Variants in RIMS1 observed in about 807,000 individuals in gnomAD.
RIMS1 encodes regulating synaptic membrane exocytosis protein 1.
A neutral mutation model predicts 214.1 loss-of-function variants in RIMS1; 83 were observed. The observed-to-expected ratio is 0.39, with a 90% CI of 0.32 to 0.47. RIMS1 has a LOEUF of 0.47. RIMS1 is among the 20% of genes least tolerant of loss of function. The pLI is 0.99. For synonymous variants in RIMS1, 793 were observed against 786.8 expected, an observed-to-expected ratio of 1.01 and a Z score of -0.13; for missense variants, 2,050 against 2,161.8, an observed-to-expected ratio of 0.95 and a Z score of 1.03.
chr6:72,284,087 A>G lies in RIMS1; in HGVS notation c.3523A>G (p.Thr1175Ala). ...KSERSSIQKQ[T>A]RKGTASDAER... ...TGAAAGATCTAGCATCCAAAAACAG[A>G]CTAGGAAAGGCACTGCCTCTGATGC... is the stretch of plus-strand genomic sequence containing the variant. The change falls in exon 24 of 34, where the codon ACT (threonine) becomes GCT (alanine). Residue 1175 changes from threonine to alanine, a missense_variant. Physicochemically the swap from Thr to Ala is moderately conservative, Grantham distance 58 (BLOSUM62 0). Around this residue, in one of 6 missense-constraint regions of RIMS1, gnomAD observed 889 missense variants for 885.5 expected, o/e 1.00. Transcript: ENST00000521978. 6.2e-7 allele frequency: 1 copy of G among 1,613,256 alleles called. No individual in the cohort carries two copies. The highest frequency in any genetic ancestry group is 2.2e-5 in the East Asian group (1 of 44,856).
chr6:72,282,017 A>C (rs182265183), intron 23 of RIMS1, among the ~76,000 whole-genome samples: 1 of 152,084 alleles, frequency 6.6e-6, no homozygotes, highest in African/African-American at 2.4e-5. Context: ...GTATATATAC[A>C]TGCACAAGTG....
intron 29 of RIMS1, among the ~76,000 whole-genome samples, chr6:72,350,210 G>T (rs2097399971): frequency 6.6e-6 from 1 of 152,040 alleles, no homozygotes; most frequent in Non-Finnish European, 1.5e-5. Context: ...AAGGAAAAAA[G>T]ACTAAATTCA....
At chr6:72,274,784 A>C (rs2085309222) in intron 23 of RIMS1, among the ~76,000 whole-genome samples, 1 of 152,136 alleles carries the variant, frequency 6.6e-6, no homozygotes, top group African/African-American at 2.4e-5. Context: ...AATCTGTCAC[A>C]GAGCCTATTT....
In RIMS1 at chr6:72,097,045, G is replaced by A. The variant is rs1401273569; in HGVS notation, c.342G>A (p.Pro114=). The change falls in exon 3 of 34, where the codon CCG becomes CCA. Residue 114 remains proline, a synonymous_variant. Coordinates refer to ENST00000521978, the MANE Select transcript of RIMS1 (RefSeq NM_014989.7). The part of the protein sequence containing the change: ...RYQGEHKDDA[P]TCGICHKTKF... ...AGGGCGAGCACAAAGACGATGCTCC[G>A]ACTTGTGGAATCTGTCATAAAACAA... 1.9e-6 allele frequency: 3 copies of A among 1,613,944 alleles called. No homozygotes were observed.
At chr6:71,983,710 G>A (rs1799101173) in intron 2 of RIMS1, among the ~76,000 whole-genome samples, 1 of 152,166 alleles carries the variant, frequency 6.6e-6, no homozygotes, top group African/African-American at 2.4e-5. Context: ...CACAGGGACT[G>A]ATTTATGTTT....
intron 6 of RIMS1, among the ~76,000 whole-genome samples, chr6:72,209,441 G>T (rs2053456664): frequency 1.3e-5 from 2 of 152,156 alleles, no homozygotes; most frequent in African/African-American, 2.4e-5. Context: ...CTAACATTTT[G>T]AGAATTCTTA....
At position 72,182,869 on chromosome 6, in the gene RIMS1, C is replaced by A; in HGVS notation, c.1398C>A (p.Ala466=). 1 of 1,561,330 alleles carries A rather than the reference C, an allele frequency of 6.4e-7. No homozygotes were observed. The highest frequency in any genetic ancestry group is 1.2e-5 in the South Asian group (1 of 84,752). Residue 466 remains alanine (A), a synonymous_variant, in exon 6 of 34, where the codon GCC becomes GCA. Transcript: ENST00000521978. ...CCGCAGAAGCCCCGGAGCTCAAAGC[C>A]CAGGAGCCCCTCAGGAAGCAGAGCC... is the stretch of plus-strand genomic sequence containing the variant. ...PVPAEAPELK[A]QEPLRKQSRL... is the part of the protein sequence containing the mutation.
chr6:72,353,465 CT>C (rs917061435), intron 29 of RIMS1, among the ~76,000 whole-genome samples: 2 of 152,194 alleles, frequency 1.3e-5, no homozygotes, highest in African/African-American at 4.8e-5. Flanking sequence ...TTCCTGGCCT[CT>C]TTTGACTCTT....
rs528463598 is a variant in RIMS1, at chr6:72,392,591, G to A, written c.4506-107G>A. The A allele has an allele frequency of 3.7e-5, 30 of 808,168 alleles. No individual in the cohort carries two copies. In the African/African-American group the frequency reaches 3.7e-4, roughly 10 times the overall value. 50.1% of individuals were successfully genotyped at this position (808,168 alleles called of 1,614,324 possible). ...TCAATTAAAAAAACAGATTGTCTAA[G>A]TAATATTTATGTTTCATGATCATAA... is the stretch of plus-strand genomic sequence containing the variant. On this transcript the variant is annotated intron_variant, in intron 30 of 33. Coordinates refer to ENST00000521978, the MANE Select transcript of RIMS1 (RefSeq NM_014989.7).
At chr6:71,998,305 T>C (rs750833729) in intron 2 of RIMS1, among the ~76,000 whole-genome samples, 3 of 152,184 alleles carry the variant, frequency 2.0e-5, no homozygotes, top group Non-Finnish European at 4.4e-5. Flanking sequence ...TCCCCTCCAC[T>C]CTTCAGTTTC....
chr6:72,181,466 T>G (rs1016486325), intron 5 of RIMS1, among the ~76,000 whole-genome samples: 1 of 152,218 alleles, frequency 6.6e-6, no homozygotes, highest in African/African-American at 2.4e-5. Flanking sequence ...TTAAATAAGA[T>G]AGAGAATTTG....
intron 6 of RIMS1, among the ~76,000 whole-genome samples, chr6:72,205,616 A>G (rs2052766966): frequency 6.6e-6 from 1 of 152,218 alleles, no homozygotes; most frequent in Non-Finnish European, 1.5e-5. Flanking sequence ...TCTGTAACCC[A>G]AATAATGAGT....
intron 28 of RIMS1, among the ~76,000 whole-genome samples, chr6:72,320,106 A>G (rs1340239579): frequency 6.6e-6 from 1 of 152,156 alleles, no homozygotes; most frequent in Non-Finnish European, 1.5e-5. Context: ...TCCACTTCAC[A>G]GTGCTTCATG....
intron 2 of RIMS1, among the ~76,000 whole-genome samples, chr6:72,092,291 C>CCCTCCCTTCCTTCCTT (rs745668426): frequency 1.0e-4 from 11 of 108,012 alleles, no homozygotes; most frequent in South Asian, 3.6e-4. Context: ...CTCCCTCCCT[C>CCCTCCCTTCCTTCCTT]CCTTCCTTCC....
chr6:71,966,289 G>A (rs1232398251), intron 1 of RIMS1, among the ~76,000 whole-genome samples: 1 of 152,046 alleles, frequency 6.6e-6, no homozygotes, highest in Non-Finnish European at 1.5e-5. Context: ...TTGTTTTCCT[G>A]TTATATTCAG....
chr6:72,392,563 G>A, intron 30 of RIMS1, 135 bp from the exon 31 acceptor site: 1 of 723,090 alleles, frequency 1.4e-6, no homozygotes, highest in Admixed American at 2.1e-5. Flanking sequence ...GCAATGCAAA[G>A]AATCAATTAA....
At chr6:71,969,384 C>A (rs926895320) in intron 2 of RIMS1, among the ~76,000 whole-genome samples, 1 of 152,144 alleles carries the variant, frequency 6.6e-6, no homozygotes, top group African/African-American at 2.4e-5. Context: ...GAATATAACA[C>A]CTCAGAGAAG....
intron 6 of RIMS1, among the ~76,000 whole-genome samples, chr6:72,225,389 T>G (rs1363988848): frequency 6.6e-6 from 1 of 152,218 alleles, no homozygotes; most frequent in Non-Finnish European, 1.5e-5. Flanking sequence ...ACATTTTTTA[T>G]TTCCTTGTCT....
At chr6:72,176,142 GC>G (rs1425679622) in intron 4 of RIMS1, among the ~76,000 whole-genome samples, 1 of 151,474 alleles carries the variant, frequency 6.6e-6, no homozygotes, top group Non-Finnish European at 1.5e-5. Context: ...TATTGCACAG[GC>G]CTACTTTAGT....
Sources: allele counts gnomAD v4.1 joint callset (sites outside exome capture counted in the v4.1 genomes callset), GRCh38; gene constraint gnomAD v4.1.1; regional missense constraint gnomAD v4.1.1; transcripts MANE v1.5; gene names NCBI Gene and HGNC (gene_info 2026-07-23, HGNC 2026-07-21).